Variants in CNTNAP3B observed in about 807,000 individuals in gnomAD.
CNTNAP3B encodes the protein contactin-associated protein-like 3B.
CNTNAP3B carries 25 observed loss-of-function variants against 108.9 expected under a neutral mutation model. The ratio of observed to expected loss-of-function variants is 0.23; its 90% CI spans 0.17 to 0.32. CNTNAP3B has a LOEUF of 0.32. CNTNAP3B is among the 10% of genes least tolerant of loss of function. The pLI, the probability that CNTNAP3B is intolerant of heterozygous loss-of-function variation, is 1.00. For missense variants in CNTNAP3B, 252 were observed against 1,210.4 expected, an observed-to-expected ratio of 0.21 and a Z score of 11.75; for synonymous variants, 103 against 473.4, an observed-to-expected ratio of 0.22 and a Z score of 10.16.
chr9:42,078,515 T>C (rs1407182787), intron 2 of CNTNAP3B, among the ~76,000 whole-genome samples: 3 of 139,556 alleles, frequency 2.1e-5, no homozygotes, highest in African/African-American at 5.7e-5. Flanking sequence ...TTGCTTTTTA[T>C]TGTTCTATGT....
chr9:42,118,627 G>A (rs1339796773), intron 1 of CNTNAP3B, among the ~76,000 whole-genome samples: 3 of 115,786 alleles, frequency 2.6e-5, no homozygotes, highest in African/African-American at 7.0e-5. Flanking sequence ...AAGACAGGAT[G>A]CCCTCTCTCA....
At chr9:42,061,477 G>T (rs1254230175) in intron 3 of CNTNAP3B, among the ~76,000 whole-genome samples, 1 of 132,836 alleles carries the variant, frequency 7.5e-6, no homozygotes, top group African/African-American at 3.1e-5. Context: ...ACCATGCCCA[G>T]CTAATTTTTG....
At chr9:41,917,930 G>A (rs1335148237) in intron 18 of CNTNAP3B, among the ~76,000 whole-genome samples, 1 of 152,304 alleles carries the variant, frequency 6.6e-6, no homozygotes, top group Non-Finnish European at 1.5e-5. Context: ...GGTGCAGGGA[G>A]AGGGTCTTGG....
At chr9:42,003,037 C>T (rs1826032231) in intron 4 of CNTNAP3B, among the ~76,000 whole-genome samples, 1 of 125,020 alleles carries the variant, frequency 8.0e-6, no homozygotes, top group Admixed American at 8.1e-5. Context: ...TAGGCATGCA[C>T]TACAATGCCT....
chr9:41,947,736 G>A (rs1381808204), intron 13 of CNTNAP3B, among the ~76,000 whole-genome samples: 4,370 of 151,180 alleles, frequency 0.029, 78 homozygotes, highest in East Asian at 0.24. Context: ...ATCAAGAAAC[G>A]AAAATCTAGT....
intron 13 of CNTNAP3B, among the ~76,000 whole-genome samples, chr9:41,939,837 G>A (rs1824279840): frequency 1.3e-5 from 2 of 152,178 alleles, no homozygotes; most frequent in South Asian, 2.1e-4. Flanking sequence ...AAAAGATCTT[G>A]TAGACTTGTC....
At chr9:41,947,443 G>C (rs1274485450) in intron 13 of CNTNAP3B, among the ~76,000 whole-genome samples, 16,934 of 149,908 alleles carry the variant, frequency 0.11, 517 homozygotes, top group Middle Eastern at 0.2. Flanking sequence ...ATGCTTCAAA[G>C]AAATTTATTA....
chr9:41,961,385 T>C (rs201740332), intron 11 of CNTNAP3B, among the ~76,000 whole-genome samples: 7,000 of 124,020 alleles, frequency 0.056, no homozygotes, highest in African/African-American at 0.12. Context: ...AGGAAAACTT[T>C]GTGAATCTGA....
In CNTNAP3B at chr9:41,915,468, TTTC is replaced by T. The variant is rs1210775596; in HGVS notation, c.2995+4599_2995+4601del. On this transcript the variant is annotated intron_variant, in intron 18 of 23. Coordinates refer to ENST00000377561, the MANE Select transcript of CNTNAP3B (RefSeq NM_001201380.3). ...TCTATTGAAATTTGGATGCCTTTTA[TTTC>T]TTCTTCTTGCTTAATGACTTTAGCT... 2.7e-3 allele frequency among the ~76,000 whole-genome samples: 320 copies of T among 117,812 alleles called. 3 individuals carry two copies. The highest frequency in any genetic ancestry group is 4.5e-3 in the Non-Finnish European group (257 of 57,142). The allele number at this position is 117,812 out of a possible 152,430, so 77.3% of individuals were successfully genotyped here. A position where few individuals can be genotyped will look rare whatever the true frequency, so the allele number is the denominator to read the frequency against.
intron 4 of CNTNAP3B, among the ~76,000 whole-genome samples, chr9:42,012,022 G>C (rs1482693324): frequency 1.0e-5 from 1 of 98,094 alleles, no homozygotes; most frequent in Non-Finnish European, 2.2e-5. Context: ...CCGCCCACCG[G>C]CCCTTCCTGG....
intron 6 of CNTNAP3B, among the ~76,000 whole-genome samples, chr9:41,997,206 C>T (rs1161255887): frequency 1.3e-5 from 2 of 148,760 alleles, no homozygotes; most frequent in African/African-American, 2.5e-5. Context: ...TGCACCAAGA[C>T]AAGAAAAAAA....
At chr9:42,121,257 C>A (rs1828456110) in intron 1 of CNTNAP3B, among the ~76,000 whole-genome samples, 1 of 138,840 alleles carries the variant, frequency 7.2e-6, no homozygotes, top group Non-Finnish European at 1.5e-5. Context: ...AAGTGACCAG[C>A]TCAATGACAC....
chr9:41,943,382 T>C (rs1410199890), intron 13 of CNTNAP3B, among the ~76,000 whole-genome samples: 2 of 145,052 alleles, frequency 1.4e-5, no homozygotes, highest in Non-Finnish European at 3.0e-5. Flanking sequence ...AGATGGAGTC[T>C]CTCTCTGTCG....
intron 3 of CNTNAP3B, among the ~76,000 whole-genome samples, chr9:42,053,295 G>A (rs1826992210): frequency 9.1e-6 from 1 of 109,976 alleles, no homozygotes; most frequent in African/African-American, 3.6e-5. Context: ...TCTGAAATGA[G>A]CAATAATATT....
intron 18 of CNTNAP3B, among the ~76,000 whole-genome samples, chr9:41,919,102 G>A (rs547995536): frequency 6.6e-6 from 1 of 152,352 alleles, no homozygotes; most frequent in African/African-American, 2.4e-5. Context: ...TCAGTACAGA[G>A]TACTTAATAC....
At chr9:42,033,106 A>T (rs532673116) in intron 3 of CNTNAP3B, among the ~76,000 whole-genome samples, 329 of 135,590 alleles carry the variant, frequency 2.4e-3, no homozygotes, top group African/African-American at 3.9e-3. Context: ...ACAAAAACTA[A>T]GTACTGTGTC....
At chr9:42,111,327 G>T (rs1828189006) in intron 1 of CNTNAP3B, among the ~76,000 whole-genome samples, 1 of 138,822 alleles carries the variant, frequency 7.2e-6, no homozygotes, top group Admixed American at 7.1e-5. Flanking sequence ...CTATGTTCTG[G>T]GGATATAACC....
intron 2 of CNTNAP3B, among the ~76,000 whole-genome samples, chr9:42,084,335 G>A (rs1827661866): frequency 8.3e-6 from 1 of 119,978 alleles, no homozygotes; most frequent in African/African-American, 3.4e-5. Flanking sequence ...TGCAAATGGG[G>A]CATATGCGGA....
At chr9:41,934,420 C>A (rs1305979046) in intron 14 of CNTNAP3B, among the ~76,000 whole-genome samples, 3 of 152,254 alleles carry the variant, frequency 2.0e-5, no homozygotes, top group Non-Finnish European at 4.4e-5. Flanking sequence ...CGGGGTTTCA[C>A]CTGTGTTAGC....
Sources: gnomAD v4.1 joint callset for allele counts (sites outside exome capture counted in the v4.1 genomes callset) on GRCh38, gnomAD v4.1.1 for gene constraint, MANE v1.5 for transcripts, NCBI Gene and HGNC (gene_info 2026-07-23, HGNC 2026-07-21) for gene names.